HMCN1: variants seen among roughly 807,000 people sequenced by gnomAD.
The protein encoded by HMCN1 is hemicentin-1.
In HMCN1, 321 loss-of-function variants were observed where a neutral mutation model predicts 625.9. The ratio of observed to expected loss-of-function variants is 0.51; its 90% CI spans 0.47 to 0.56. HMCN1 has a LOEUF of 0.56. HMCN1 is among the 20% of genes least tolerant of loss of function. The probability of loss-of-function intolerance (pLI) is 0.00; values close to 1 mark genes in which losing one functional copy is unlikely to be tolerated. For synonymous variants in HMCN1, 2,425 were observed against 2,417.6 expected, an observed-to-expected ratio of 1.00 and a Z score of -0.09; for missense variants, 6,588 against 6,887.3, an observed-to-expected ratio of 0.96 and a Z score of 1.54.
intron 80 of HMCN1, among the ~76,000 whole-genome samples, chr1:186,121,036 C>A (rs538848025): frequency 6.6e-6 from 1 of 152,256 alleles, no homozygotes; most frequent in Admixed American, 6.5e-5. Flanking sequence ...ATTTAAGTGA[C>A]CCCTGAATGA....
intron 36 of HMCN1, among the ~76,000 whole-genome samples, chr1:186,037,218 C>A (rs1334770825): frequency 6.6e-6 from 1 of 151,922 alleles, no homozygotes; most frequent in Non-Finnish European, 1.5e-5. Context: ...AAGACAGAAC[C>A]TTTAGTTCAC....
intron 17 of HMCN1, among the ~76,000 whole-genome samples, chr1:185,981,605 C>T (rs1651642541): frequency 6.6e-6 from 1 of 152,068 alleles, no homozygotes; most frequent in Non-Finnish European, 1.5e-5. Context: ...ATTATTATAG[C>T]ATTTAATATG....
intron 103 of HMCN1, chr1:186,176,825 T>C (rs1652615316): frequency 6.6e-6 from 1 of 151,570 alleles, no homozygotes; most frequent in African/African-American, 2.4e-5. Flanking sequence ...GAGACCCAGA[T>C]TGGGGTGGTA....
intron 91 of HMCN1, 90 bp from the exon 92 acceptor site, chr1:186,145,310 ACTT>A: frequency 7.9e-7 from 1 of 1,259,270 alleles, no homozygotes. Flanking sequence ...CTGAGAAGAG[ACTT>A]TTTTTTTAAT....
intron 10 of HMCN1, 137 bp downstream of exon 10, chr1:185,928,804 A>G (rs1199717935): frequency 2.1e-6 from 2 of 967,020 alleles, no homozygotes; most frequent in South Asian, 1.3e-5. Context: ...CTGAATTGAG[A>G]ACTCAAATCC....
intron 4 of HMCN1, among the ~76,000 whole-genome samples, chr1:185,902,805 C>T (rs968380467): frequency 6.6e-6 from 1 of 151,450 alleles, no homozygotes; most frequent in Non-Finnish European, 1.5e-5. Context: ...ATACATATGT[C>T]TACATGTATG....
chr1:186,057,235 T>A lies in HMCN1; in HGVS notation c.7146T>A (p.Ala2382=). ...TGTTTGTTTTATTTTGTCTTACAGC[T>A]CCTCCAAGCATCATAGGAAACCACA... ...TDKKYDLSVH[A]PPSIIGNHRS... is the part of the protein sequence containing the mutation. The change falls in exon 46 of 107, where the codon GCT becomes GCA. Residue 2382 remains alanine, a splice_region_variant and synonymous_variant. Transcript: ENST00000271588. 6.2e-7 allele frequency: 1 copy of A among 1,610,152 alleles called. No homozygotes were observed. Among genetic ancestry groups the A allele is most frequent in the South Asian group, 1.1e-5 (1 of 91,028 alleles).
chr1:186,087,605 T>A lies in HMCN1; in HGVS notation c.9323T>A (p.Ile3108Asn). 16 of 1,613,206 alleles carry A rather than the reference T, an allele frequency of 9.9e-6. No individual in the cohort carries two copies. The highest frequency in any genetic ancestry group is 1.4e-5 in the Non-Finnish European group (16 of 1,179,400). ...RMITESTHVEILADGQMLHIK... is the reference protein window; with the variant it reads ...RMITESTHVENLADGQMLHIK... ...ATAACAGAGTCTACTCATGTGGAGA[T>A]TTTAGCTGATGGACAAATGCTACAC... Residue 3108 changes from isoleucine (I) to asparagine (N), a missense_variant, in exon 60 of 107, where the codon ATT (isoleucine) becomes AAT (asparagine). Transcript: ENST00000271588.
chr1:186,067,703 T>A, intron 49 of HMCN1, 131 bp from the exon 50 acceptor site: 1 of 634,614 alleles, frequency 1.6e-6, no homozygotes, highest in Non-Finnish European at 2.7e-6. Flanking sequence ...AAAATAATAA[T>A]AATAATAATA....
intron 25 of HMCN1, among the ~76,000 whole-genome samples, chr1:185,997,828 G>T (rs1652912462): frequency 6.8e-6 from 1 of 146,024 alleles, no homozygotes; most frequent in Non-Finnish European, 1.5e-5. Context: ...TTTTTTGGCA[G>T]GTTTTGTCTT....
rs1658233073 is a variant in HMCN1 at position 186,067,947 on chromosome 1, A to G, written c.7819A>G (p.Ile2607Val). 1.2e-6 allele frequency: 2 copies of G among 1,613,638 alleles called. No individual in the cohort carries two copies. The highest frequency in any genetic ancestry group is 1.7e-6 in the Non-Finnish European group (2 of 1,179,610). The stretch of plus-strand genomic sequence containing the variant: ...AGCTTATTCATATCCTCCAGCTACC[A>G]TCACCTGGTTTAAGGATGGCACTCC... ...CEAYSYPPAT[I>V]TWFKDGTPLE... The change falls in exon 50 of 107, where the codon ATC becomes GTC. Residue 2607 changes from isoleucine to valine, a missense_variant. Physicochemically the swap from Ile to Val is conservative, Grantham distance 29. Coordinates refer to ENST00000271588, the MANE Select transcript of HMCN1 (RefSeq NM_031935.3).
chr1:186,108,363 A>C, intron 70 of HMCN1, 98 bp from the exon 71 acceptor site: 1 of 1,564,014 alleles, frequency 6.4e-7, no homozygotes, highest in Non-Finnish European at 8.8e-7. Context: ...GTAATGTTTT[A>C]ATTTTATGCC....
chr1:185,834,308 T>C (rs778061627), intron 1 of HMCN1, among the ~76,000 whole-genome samples: 3 of 152,344 alleles, frequency 2.0e-5, no homozygotes, highest in Middle Eastern at 3.4e-3. Flanking sequence ...GTCCTCTGGC[T>C]CAGAGTCTCT....
At chr1:186,169,157 G>T (rs1370776830) in intron 100 of HMCN1, among the ~76,000 whole-genome samples, 1 of 152,092 alleles carries the variant, frequency 6.6e-6, no homozygotes, top group African/African-American at 2.4e-5. Context: ...TTATGTGAAG[G>T]ACCTCTTCAA....
At chr1:186,031,895 G>C (rs1026384632) in intron 36 of HMCN1, among the ~76,000 whole-genome samples, 1 of 151,738 alleles carries the variant, frequency 6.6e-6, no homozygotes, top group South Asian at 2.1e-4. Flanking sequence ...CTTTTCTTTG[G>C]TTCTTTATAG....
At chr1:185,782,744 G>A (rs1657230457) in intron 1 of HMCN1, among the ~76,000 whole-genome samples, 1 of 152,112 alleles carries the variant, frequency 6.6e-6, no homozygotes, top group Middle Eastern at 3.2e-3. Context: ...TCCCTTTGTG[G>A]GTAATCCCAC....
At chr1:185,954,176 CA>C (rs1309651614) in intron 11 of HMCN1, among the ~76,000 whole-genome samples, 1 of 152,134 alleles carries the variant, frequency 6.6e-6, no homozygotes, top group African/African-American at 2.4e-5. Flanking sequence ...GTGCAAGTCA[CA>C]GGGGATGCGA....
chr1:185,810,118 A>C (rs1375728561), intron 1 of HMCN1, among the ~76,000 whole-genome samples: 1 of 152,162 alleles, frequency 6.6e-6, no homozygotes, highest in African/African-American at 2.4e-5. Context: ...GGAGAGAGTC[A>C]AACTTTATTT....
chr1:186,156,784 T>C (rs1036203968), intron 97 of HMCN1, among the ~76,000 whole-genome samples: 4 of 152,176 alleles, frequency 2.6e-5, no homozygotes, highest in African/African-American at 9.7e-5. Flanking sequence ...TATATAATAA[T>C]AACTTAATCA....
Sources: allele counts gnomAD v4.1 joint callset (sites outside exome capture counted in the v4.1 genomes callset), GRCh38; gene constraint gnomAD v4.1.1; transcripts MANE v1.5; gene names NCBI Gene and HGNC (gene_info 2026-07-23, HGNC 2026-07-21).